MYOF: variants seen among roughly 807,000 people sequenced by gnomAD.
The protein encoded by MYOF is fer-1-like 3, myoferlin.
A neutral mutation model predicts 284.2 loss-of-function variants in MYOF; 244 were observed. The ratio of observed to expected loss-of-function variants is 0.86; its 90% confidence interval spans 0.77 to 0.95. The LOEUF (loss-of-function observed/expected upper bound fraction) is 0.95, where lower values mean the gene tolerates loss of function less well. MYOF is among the 40% of genes least tolerant of loss of function. MYOF has a pLI of 0.00. For synonymous variants in MYOF, 904 were observed against 919.7 expected (o/e 0.98, Z 0.31); for missense variants, 2,496 against 2,560.6 (o/e 0.97, Z 0.54).
chr10:93,451,950 A>G, intron 3 of MYOF, 100 bp downstream of exon 3: 1 of 861,284 alleles, frequency 1.2e-6, no homozygotes, highest in Non-Finnish European at 1.9e-6. Context: ...TTTATATTGG[A>G]AGTATTATAA....
At chr10:93,439,887 C>A (rs2134253074) in intron 3 of MYOF, among the ~76,000 whole-genome samples, 1 of 152,280 alleles carries the variant, frequency 6.6e-6, no homozygotes, top group Non-Finnish European at 1.5e-5. Flanking sequence ...TTGTAACTAC[C>A]CACATCCATT....
chr10:93,353,284 C>A (rs1844614702), intron 32 of MYOF, among the ~76,000 whole-genome samples: 1 of 152,136 alleles, frequency 6.6e-6, no homozygotes, highest in African/African-American at 2.4e-5. Context: ...GCAACAAAAG[C>A]AGCTGGGTGT....
At chr10:93,435,206 G>A (rs1256421670) in intron 3 of MYOF, among the ~76,000 whole-genome samples, 2 of 152,196 alleles carry the variant, frequency 1.3e-5, no homozygotes, top group African/African-American at 4.8e-5. Context: ...TTCTGCTAAA[G>A]TCAAAATGAC....
chr10:93,419,245 C>T (rs1249709103), intron 5 of MYOF, among the ~76,000 whole-genome samples: 1 of 152,098 alleles, frequency 6.6e-6, no homozygotes, highest in Non-Finnish European at 1.5e-5. Flanking sequence ...TCACTGCAAC[C>T]TCCGCCTCCT....
At chr10:93,392,167 ATT>A (rs1463640087) in intron 17 of MYOF, among the ~76,000 whole-genome samples, 2 of 152,242 alleles carry the variant, frequency 1.3e-5, no homozygotes. Flanking sequence ...AGAATTGGGC[ATT>A]GTGTCAATTA....
At position 93,349,830 on chromosome 10, in the gene MYOF, C is replaced by G. The variant is rs1326075140; in HGVS notation, c.4061G>C (p.Ser1354Thr). 5 of 1,614,036 alleles carry G rather than the reference C, an allele frequency of 3.1e-6. 1 individual carries two copies. The highest frequency in any genetic ancestry group is 1.6e-4 in the Middle Eastern group (1 of 6,062). The change falls in exon 36 of 54, where the codon AGT (serine) becomes ACT (threonine). Residue 1354 changes from serine to threonine, a missense_variant. Physicochemically the swap from Ser to Thr is moderately conservative, Grantham distance 58. Transcript: ENST00000359263. ...TACCACTTTCATGAAGAGAACAGAACTTGGAAAGTTGGGTGTCTTCTTAAG... is the reference window on the plus strand; with the variant it reads ...TACCACTTTCATGAAGAGAACAGAAGTTGGAAAGTTGGGTGTCTTCTTAAG... ...KNLKKTPNFP[S>T]SVLFMKVFLP... is the part of the protein sequence containing the mutation.
chr10:93,370,695 C>T (rs935527665), intron 24 of MYOF, among the ~76,000 whole-genome samples: 2 of 152,016 alleles, frequency 1.3e-5, no homozygotes, highest in Admixed American at 6.6e-5. Context: ...GAAGTACATG[C>T]GAAGCACTTC....
chr10:93,445,355 G>T (rs1840909195), intron 3 of MYOF, among the ~76,000 whole-genome samples: 1 of 152,174 alleles, frequency 6.6e-6, no homozygotes, highest in Non-Finnish European at 1.5e-5. Context: ...GAATGCAAAG[G>T]GCTGGGCACA....
chr10:93,343,834 A>G (rs756118993), intron 38 of MYOF, 22 bp downstream of exon 38: 4 of 1,612,708 alleles, frequency 2.5e-6, no homozygotes, highest in Non-Finnish European at 3.4e-6. Context: ...GACAGCATCC[A>G]CTGATCAGCT....
chr10:93,318,487 G>A (rs537357724), intron 49 of MYOF, among the ~76,000 whole-genome samples: 58 of 152,166 alleles, frequency 3.8e-4, no homozygotes, highest in African/African-American at 1.1e-3. Flanking sequence ...GGCTGGGCAC[G>A]GTGGCTCATA....
At chr10:93,316,595 C>T (rs75175587) in intron 50 of MYOF, 119 bp downstream of exon 50, 8 of 876,076 alleles carry the variant, frequency 9.1e-6, no homozygotes, top group Admixed American at 8.4e-5. Context: ...CCTGTCCCCC[C>T]ACCAGGCCCC....
chr10:93,391,366 G>A (rs1223523601), intron 17 of MYOF, among the ~76,000 whole-genome samples: 2 of 152,220 alleles, frequency 1.3e-5, no homozygotes, highest in African/African-American at 2.4e-5. Context: ...TGAGGCAGAC[G>A]GATCACCTGA....
intron 16 of MYOF, among the ~76,000 whole-genome samples, chr10:93,395,009 T>C (rs1846929802): frequency 6.6e-6 from 1 of 151,910 alleles, no homozygotes; most frequent in Non-Finnish European, 1.5e-5. Context: ...AAAAAGACCT[T>C]AAACAAGATA....
chr10:93,425,193 G>A (rs189778655), intron 5 of MYOF, among the ~76,000 whole-genome samples: 60 of 152,110 alleles, frequency 3.9e-4, no homozygotes, highest in Middle Eastern at 3.4e-3. Flanking sequence ...CACCTGCCTT[G>A]GCCTCCCAAA....
chr10:93,412,876 G>A (rs968759439), intron 5 of MYOF, among the ~76,000 whole-genome samples: 3 of 152,200 alleles, frequency 2.0e-5, no homozygotes, highest in African/African-American at 7.2e-5. Flanking sequence ...CTTGGCACCA[G>A]CCTCGGGGAA....
chr10:93,419,320 G>A (rs7923257), intron 5 of MYOF, among the ~76,000 whole-genome samples: 2,074 of 152,088 alleles, frequency 0.014, 51 homozygotes, highest in African/African-American at 0.046. Flanking sequence ...ATGCAACCAC[G>A]CCCGGCTAAT....
intron 32 of MYOF, 89 bp from the exon 33 acceptor site, chr10:93,351,935 G>T: frequency 4.0e-6 from 5 of 1,246,400 alleles, no homozygotes; most frequent in South Asian, 1.5e-5. Context: ...TTTTCCTCTG[G>T]ATATAATGAC....
At chr10:93,359,542 G>T (rs1328955411) in intron 29 of MYOF, among the ~76,000 whole-genome samples, 2 of 152,152 alleles carry the variant, frequency 1.3e-5, no homozygotes, top group Admixed American at 6.5e-5. Context: ...CTCTGTAGCA[G>T]TTCTCAACAT....
At chr10:93,370,993 C>A (rs1845562501) in intron 24 of MYOF, among the ~76,000 whole-genome samples, 1 of 151,946 alleles carries the variant, frequency 6.6e-6, no homozygotes, top group African/African-American at 2.4e-5. Context: ...GAATCTGTAA[C>A]AATAAGTTTG....
Sources: allele counts gnomAD v4.1 joint callset (sites outside exome capture counted in the v4.1 genomes callset), GRCh38; gene constraint gnomAD v4.1.1; transcripts MANE v1.5; gene names NCBI Gene and HGNC (gene_info 2026-07-23, HGNC 2026-07-21).